The following NCOA2 variants were observed in gnomAD, a reference collection of about 807,000 sequenced individuals.
NCOA2 encodes class E basic helix-loop-helix protein 75.
NCOA2 carries 21 observed loss-of-function variants against 145.1 expected under a neutral mutation model. That is an observed-to-expected ratio of 0.14 (90% CI 0.10 to 0.21). NCOA2 has a LOEUF of 0.21. Ranked by LOEUF, NCOA2 falls within the 10% of genes least tolerant of loss-of-function variation. The pLI, the probability that NCOA2 is intolerant of heterozygous loss-of-function variation, is 1.00. For missense variants in NCOA2, 1,472 were observed against 1,837.6 expected (o/e 0.80, Z 3.64); for synonymous variants, 619 against 637.5 (o/e 0.97, Z 0.44).
chr8:70,372,049 C>G (rs1811274894), intron 1 of NCOA2, among the ~76,000 whole-genome samples: 2 of 151,996 alleles, frequency 1.3e-5, no homozygotes. Context: ...ATCATATTAA[C>G]CATACATGGA....
At chr8:70,336,862 G>A (rs1009467678) in intron 1 of NCOA2, among the ~76,000 whole-genome samples, 2 of 152,054 alleles carry the variant, frequency 1.3e-5, no homozygotes, top group South Asian at 4.1e-4. Context: ...TGGACACCCG[G>A]GTTGCTTCTA....
chr8:70,145,125 TTTCATTCATTCA>T (rs144420333), intron 12 of NCOA2, among the ~76,000 whole-genome samples: 1 of 151,942 alleles, frequency 6.6e-6, no homozygotes, highest in South Asian at 2.1e-4. Context: ...CCAATAGTAA[TTTCATTCATTCA>T]TTCATTCATT....
chr8:70,258,870 A>G (rs1395205930), intron 2 of NCOA2, among the ~76,000 whole-genome samples: 2 of 152,238 alleles, frequency 1.3e-5, no homozygotes, highest in African/African-American at 4.8e-5. Flanking sequence ...TAGGAACTCA[A>G]TAAATGTCAC....
rs61028027 is a variant in NCOA2 at position 70,314,180 on chromosome 8, C to CAAA, written c.-76-17383_-76-17381dup. On this transcript the variant is annotated intron_variant, in intron 1 of 22. Transcript: ENST00000452400. The stretch of plus-strand genomic sequence containing the variant: ...GGGCGACAGAGCAAGACTCTGACTC[C>CAAA]AAAAAAAAAAAAAAAAAAAAAAAAA... Among the ~76,000 whole-genome samples the CAAA allele has an allele frequency of 3.0e-3, 51 of 17,196 alleles. 12 individuals are homozygous for CAAA. Among genetic ancestry groups the CAAA allele is most frequent in the Admixed American group, 4.4e-3 (4 of 908 alleles). 11.3% of individuals were successfully genotyped at this position (17,196 alleles called of 152,430 possible).
At chr8:70,446,040 C>CTT in the NCOA2 span, among the ~76,000 whole-genome samples, 47 of 148,862 alleles carry the variant, frequency 3.2e-4, no homozygotes, top group African/African-American at 4.9e-4. Context: ...TGTAATTCTA[C>CTT]TTTTTTTTTT....
At chr8:70,354,434 G>C (rs1303567673) in intron 1 of NCOA2, among the ~76,000 whole-genome samples, 3 of 152,192 alleles carry the variant, frequency 2.0e-5, no homozygotes, top group Non-Finnish European at 4.4e-5. Context: ...TTCTAAGGTA[G>C]ATTTCAGGAG....
chr8:70,272,502 A>AAGATT (rs1260193611), intron 2 of NCOA2, among the ~76,000 whole-genome samples: 1 of 152,186 alleles, frequency 6.6e-6, no homozygotes, highest in Non-Finnish European at 1.5e-5. Context: ...GAGTAATTTT[A>AAGATT]AGAGGCTAAT....
chr8:70,454,544 T>C, the NCOA2 span, among the ~76,000 whole-genome samples: 2 of 152,210 alleles, frequency 1.3e-5, no homozygotes, highest in Admixed American at 6.5e-5. Context: ...TAAATTACCT[T>C]GGAACACAAG....
chr8:70,385,270 G>A (rs1418206165), intron 1 of NCOA2, among the ~76,000 whole-genome samples: 1 of 152,090 alleles, frequency 6.6e-6, no homozygotes, highest in African/African-American at 2.4e-5. Context: ...ATCACTGCAG[G>A]TGATTCAAAG....
At chr8:70,397,461 GAAAAAAA>G (rs11347613) in intron 1 of NCOA2, among the ~76,000 whole-genome samples, 1 of 107,046 alleles carries the variant, frequency 9.3e-6, no homozygotes, top group African/African-American at 3.2e-5. Flanking sequence ...TCAAAAAAAG[GAAAAAAA>G]AAAAAAAAAA....
At position 70,128,486 on chromosome 8, in the gene NCOA2, T is replaced by C. The variant is rs1585749014; in HGVS notation, c.3628A>G (p.Ile1210Val). 6.2e-7 allele frequency: 1 copy of C among 1,613,044 alleles called. No homozygotes were observed. ...AAGTTCACATTGGAAACATTGCTGA[T>C]TTGATTCATAAGTGGCTGGCGATTC... ...QQNRQPLMNQ[I>V]SNVSNVNLTL... The change falls in exon 18 of 23, where the codon ATC becomes GTC. Residue 1210 changes from isoleucine (I) to valine (V), a missense_variant. Coordinates refer to ENST00000452400, the MANE Select transcript of NCOA2 (RefSeq NM_006540.4).
chr8:70,416,160 G>C, the NCOA2 span, among the ~76,000 whole-genome samples: 1 of 150,924 alleles, frequency 6.6e-6, no homozygotes, highest in South Asian at 2.1e-4. Flanking sequence ...TCTGGAAACA[G>C]AATTCCTTCC....
At chr8:70,220,264 T>A (rs971601185) in intron 2 of NCOA2, among the ~76,000 whole-genome samples, 1 of 152,206 alleles carries the variant, frequency 6.6e-6, no homozygotes, top group African/African-American at 2.4e-5. Flanking sequence ...CTTAAGCATC[T>A]CACTCTCAAT....
chr8:70,166,854 T>C (rs924185896), intron 6 of NCOA2, 100 bp from the exon 7 acceptor site: 6 of 1,090,620 alleles, frequency 5.5e-6, no homozygotes, highest in Admixed American at 2.2e-5. Context: ...GATTATTTCA[T>C]CTTTATGTAC....
chr8:70,280,219 C>T (rs925990998), intron 2 of NCOA2, among the ~76,000 whole-genome samples: 4 of 152,136 alleles, frequency 2.6e-5, no homozygotes, highest in Non-Finnish European at 5.9e-5. Context: ...TGAGTTTCTA[C>T]CATTTCCTTT....
chr8:70,142,477 T>C (rs1276504016), intron 13 of NCOA2, among the ~76,000 whole-genome samples: 13 of 152,212 alleles, frequency 8.5e-5, no homozygotes, highest in Admixed American at 3.3e-4. Flanking sequence ...GGTGGGCAGA[T>C]TGCTTGAGCC....
chr8:70,424,646 C>T, the NCOA2 span: 5 of 345,260 alleles, frequency 1.4e-5, no homozygotes, highest in Admixed American at 3.3e-5. Flanking sequence ...AAAGCCAGAT[C>T]GTGAATATTT....
At chr8:70,448,255 G>A in the NCOA2 span, among the ~76,000 whole-genome samples, 1 of 152,146 alleles carries the variant, frequency 6.6e-6, no homozygotes, top group African/African-American at 2.4e-5. Context: ...TGTAGGGCAG[G>A]TAGCTATGGA....
intron 4 of NCOA2, among the ~76,000 whole-genome samples, chr8:70,193,664 T>C (rs1191323945): frequency 1.3e-5 from 2 of 152,232 alleles, no homozygotes; most frequent in Non-Finnish European, 2.9e-5. Flanking sequence ...CAAAAGAGCT[T>C]GCTTCTTTTC....
Sources: allele counts gnomAD v4.1 joint callset (sites outside exome capture counted in the v4.1 genomes callset), GRCh38; gene constraint gnomAD v4.1.1; transcripts MANE v1.5; gene names NCBI Gene and HGNC (gene_info 2026-07-23, HGNC 2026-07-21).